Variants in ABI3BP observed in about 807,000 individuals in gnomAD.
The protein encoded by ABI3BP is target of Nesh-SH3.
In ABI3BP, 216 loss-of-function variants were observed where a neutral mutation model predicts 268.6. The observed-to-expected ratio is 0.80, with a 90% CI of 0.72 to 0.90. ABI3BP has a LOEUF of 0.90. ABI3BP is among the 40% of genes least tolerant of loss of function. ABI3BP has a pLI of 0.00. For missense variants in ABI3BP, 2,090 were observed against 2,182.4 expected (o/e 0.96, Z 0.84); for synonymous variants, 730 against 730.0 (o/e 1.00, Z 0.00).
intron 4 of ABI3BP, among the ~76,000 whole-genome samples, chr3:100,889,122 C>T (rs935826381): frequency 2.0e-5 from 3 of 152,088 alleles, no homozygotes; most frequent in Non-Finnish European, 2.9e-5. Context: ...ACCACTCCTA[C>T]AGAACCAAAG....
intron 63 of ABI3BP, 45 bp from the exon 64 acceptor site, chr3:100,754,736 G>T (rs2095524957): frequency 6.7e-7 from 1 of 1,487,780 alleles, no homozygotes; most frequent in Admixed American, 2.0e-5. Flanking sequence ...CATTCTTGAG[G>T]GCTAGGAGGC....
intron 50 of ABI3BP, among the ~76,000 whole-genome samples, chr3:100,805,144 AGAG>A (rs2097667230): frequency 6.6e-6 from 1 of 152,154 alleles, no homozygotes. Flanking sequence ...TCTTTATTTC[AGAG>A]GAGATGACAA....
At position 100,926,404 on chromosome 3, in the gene ABI3BP, T is replaced by C. The variant is rs2061821051; in HGVS notation, c.157A>G (p.Asn53Asp). The C allele has an allele frequency of 6.2e-7, 1 of 1,613,328 alleles. No individual in the cohort carries two copies. Among genetic ancestry groups the C allele is most frequent in the Non-Finnish European group, 8.5e-7 (1 of 1,179,576 alleles). ...ILLKFLRPSP[N>D]VKLEGLLLGY... ...AGGAGAAGACCTTCAAGCTTTACATTTGGACTTGGACGCAAGAACTTCAAG... is the reference window on the plus strand; with the variant it reads ...AGGAGAAGACCTTCAAGCTTTACATCTGGACTTGGACGCAAGAACTTCAAG... The change falls in exon 2 of 68, where the codon AAT becomes GAT. Residue 53 changes from asparagine (N) to aspartate (D), a missense_variant. Coordinates refer to ENST00000471714, the MANE Select transcript of ABI3BP (RefSeq NM_001375547.2).
intron 1 of ABI3BP, among the ~76,000 whole-genome samples, chr3:100,992,531 T>C (rs982939685): frequency 3.3e-5 from 5 of 152,258 alleles, no homozygotes; most frequent in African/African-American, 9.6e-5. Flanking sequence ...AGACCTAGAG[T>C]TGGCTTAGAG....
chr3:100,905,145 G>A (rs2052697674), intron 2 of ABI3BP, among the ~76,000 whole-genome samples: 2 of 152,148 alleles, frequency 1.3e-5, no homozygotes, highest in East Asian at 3.9e-4. Context: ...ATCATTCTCA[G>A]CAAACTATCG....
At chr3:100,839,035 C>G (rs908252576) in intron 24 of ABI3BP, among the ~76,000 whole-genome samples, 5 of 152,086 alleles carry the variant, frequency 3.3e-5, no homozygotes, top group Non-Finnish European at 4.4e-5. Context: ...TTCCAAAGAC[C>G]ATCACTAGTT....
At chr3:100,923,731 G>T (rs1435992192) in intron 2 of ABI3BP, among the ~76,000 whole-genome samples, 1 of 152,136 alleles carries the variant, frequency 6.6e-6, no homozygotes, top group Non-Finnish European at 1.5e-5. Flanking sequence ...GCAGATGAGA[G>T]AAATTTATTC....
chr3:100,791,279 T>C (rs1052634428), intron 55 of ABI3BP, among the ~76,000 whole-genome samples: 2 of 151,864 alleles, frequency 1.3e-5, no homozygotes, highest in African/African-American at 2.4e-5. Flanking sequence ...ATATTCTCTT[T>C]AAAGTAGGAA....
At chr3:100,912,238 T>C (rs2056826215) in intron 2 of ABI3BP, 1 of 105,480 alleles carries the variant, frequency 9.5e-6, no homozygotes, top group Non-Finnish European at 1.8e-5. Flanking sequence ...CTAAAACGCG[T>C]CTAAAACAGT....
At chr3:100,760,109 A>C (rs1197976490) in intron 63 of ABI3BP, among the ~76,000 whole-genome samples, 1 of 152,218 alleles carries the variant, frequency 6.6e-6, no homozygotes, top group Non-Finnish European at 1.5e-5. Flanking sequence ...CAGCTATAGG[A>C]TACTTTGGTA....
At chr3:100,919,259 A>C (rs912841107) in intron 2 of ABI3BP, among the ~76,000 whole-genome samples, 1 of 152,134 alleles carries the variant, frequency 6.6e-6, no homozygotes, top group Non-Finnish European at 1.5e-5. Context: ...CAATGAATGC[A>C]TAATCACTTA....
chr3:100,919,309 T>C (rs2059573808), intron 2 of ABI3BP, among the ~76,000 whole-genome samples: 1 of 152,202 alleles, frequency 6.6e-6, no homozygotes, highest in African/African-American at 2.4e-5. Context: ...TATCAATCTC[T>C]ATTATTTTAT....
rs142296129 is a variant in ABI3BP, at chr3:100,808,137, C to T, written c.3682+24G>A. ...CCCCACTAACCTCAAACTTTTCAAGCTAAAATGTAAAATATATATTTACCT... is the reference window on the plus strand; with the variant it reads ...CCCCACTAACCTCAAACTTTTCAAGTTAAAATGTAAAATATATATTTACCT... On this transcript the variant is annotated intron_variant, in intron 50 of 67. Transcript: ENST00000471714. 2.0e-4 allele frequency: 323 copies of T among 1,602,134 alleles called. 1 individual carries two copies. The East Asian group carries it at 7.0e-3, about 35-fold the overall frequency.
At chr3:100,827,886 C>A (rs544929527) in intron 34 of ABI3BP, among the ~76,000 whole-genome samples, 1 of 152,146 alleles carries the variant, frequency 6.6e-6, no homozygotes, top group Admixed American at 6.6e-5. Context: ...TTATTTAAAT[C>A]TACTAGCCTT....
In ABI3BP at chr3:100,852,055, G is replaced by A. The variant is rs1296239971; in HGVS notation, c.1286-115C>T. ...CTGGTTGAAGGACAGTTTTATGTAG[G>A]TACTGGTACATTTTGGCTCCAGGCT... On this transcript the variant is annotated intron_variant, in intron 14 of 67. Coordinates refer to ENST00000471714, the MANE Select transcript of ABI3BP (RefSeq NM_001375547.2). 11 of 932,412 alleles carry A rather than the reference G, an allele frequency of 1.2e-5. No homozygotes were observed. In the East Asian group the frequency reaches 2.7e-4, roughly 23 times the overall value. 57.8% of individuals were successfully genotyped at this position (932,412 alleles called of 1,614,324 possible).
intron 9 of ABI3BP, among the ~76,000 whole-genome samples, chr3:100,869,197 A>G (rs377665966): frequency 1.3e-5 from 2 of 152,054 alleles, no homozygotes; most frequent in East Asian, 1.9e-4. Flanking sequence ...CTTAGCTGGC[A>G]ATCACATTAG....
At chr3:100,959,489 CAAAAAAAAAAA>C (rs35465693) in intron 1 of ABI3BP, among the ~76,000 whole-genome samples, 1 of 36,094 alleles carries the variant, frequency 2.8e-5, no homozygotes, top group Non-Finnish European at 4.9e-5. Context: ...GACTCCGTCT[CAAAAAAAAAAA>C]AAAAAAAAAA....
At position 100,850,006 on chromosome 3, in the gene ABI3BP, C is replaced by T. The variant is rs762865997; in HGVS notation, c.1501+39G>A. 8.4e-6 allele frequency: 13 copies of T among 1,544,588 alleles called. No individual in the cohort carries two copies. The African/African-American group carries it at 1.2e-4, about 15-fold the overall frequency. On this transcript the variant is annotated intron_variant, in intron 17 of 67. Transcript: ENST00000471714. Reference sequence around the variant, plus strand: ...ACATGACTTCTCACATTACCTGTTTCGTCAATGCATACATAACTACATAAA... The same window carrying T: ...ACATGACTTCTCACATTACCTGTTTTGTCAATGCATACATAACTACATAAA...
Position 100,839,603 on chromosome 3 carries a change from G to A in ABI3BP, c.1911C>T (p.Ala637=). The A allele has an allele frequency of 6.5e-7, 1 of 1,535,800 alleles. No homozygotes were observed. The highest frequency in any genetic ancestry group is 8.7e-7 in the Non-Finnish European group (1 of 1,146,666). ...VPKSKPALEP[A]TIQPEPLVPT... ...GCACCAAGGGCTCCGGTTGTATCGTGGCAGGTTCCAGAGCTACAGAAGCAA... is the reference window on the plus strand; with the variant it reads ...GCACCAAGGGCTCCGGTTGTATCGTAGCAGGTTCCAGAGCTACAGAAGCAA... Residue 637 remains alanine (A), a synonymous_variant, in exon 24 of 68, where the codon GCC becomes GCT. Transcript: ENST00000471714.
Sources: gnomAD v4.1 joint callset for allele counts (sites outside exome capture counted in the v4.1 genomes callset) on GRCh38, gnomAD v4.1.1 for gene constraint, MANE v1.5 for transcripts, NCBI Gene and HGNC (gene_info 2026-07-23, HGNC 2026-07-21) for gene names.